The following UGGT2 variants were observed in gnomAD, a reference collection of about 807,000 sequenced individuals.
The protein encoded by UGGT2 is UDP-glucose:glycoprotein glucosyltransferase 2.
Under a neutral mutation model 192.1 loss-of-function variants are expected in UGGT2, and 180 were observed. That is an observed-to-expected ratio of 0.94 (90% CI 0.83 to 1.06). The LOEUF is 1.06. Ranked by LOEUF, UGGT2 falls within the 50% of genes least tolerant of loss-of-function variation. The probability of loss-of-function intolerance (pLI) is 0.00; values close to 1 mark genes in which losing one functional copy is unlikely to be tolerated. For missense variants in UGGT2, 1,849 were observed against 1,795.7 expected, an observed-to-expected ratio of 1.03 and a Z score of -0.54; for synonymous variants, 580 against 591.0, an observed-to-expected ratio of 0.98 and a Z score of 0.27.
intron 12 of UGGT2, among the ~76,000 whole-genome samples, chr13:95,959,959 C>T (rs1469969550): frequency 6.6e-6 from 1 of 152,184 alleles, no homozygotes; most frequent in Non-Finnish European, 1.5e-5. Context: ...CCACTAGCAA[C>T]TGTGCTACAA....
intron 12 of UGGT2, among the ~76,000 whole-genome samples, chr13:95,960,106 G>A (rs1285793065): frequency 6.6e-6 from 1 of 152,146 alleles, no homozygotes; most frequent in Non-Finnish European, 1.5e-5. Context: ...TCAGGAAAAA[G>A]TCTTCCCCTA....
chr13:96,043,028 A>C (rs2053210246), intron 1 of UGGT2, among the ~76,000 whole-genome samples: 1 of 152,214 alleles, frequency 6.6e-6, no homozygotes, highest in South Asian at 2.1e-4. Flanking sequence ...TGGGAAATTC[A>C]ACACAAAAAG....
intron 1 of UGGT2, among the ~76,000 whole-genome samples, chr13:96,052,304 C>T (rs1359596059): frequency 3.3e-5 from 5 of 151,904 alleles, no homozygotes; most frequent in African/African-American, 7.3e-5. Flanking sequence ...CAATGGACTT[C>T]GGGGACTCGG....
intron 2 of UGGT2, among the ~76,000 whole-genome samples, chr13:96,030,221 T>C (rs1464424214): frequency 6.6e-6 from 1 of 152,210 alleles, no homozygotes. Context: ...TCTTGCTCTC[T>C]CTGGAACACT....
intron 1 of UGGT2, among the ~76,000 whole-genome samples, chr13:96,051,901 A>G (rs1240654141): frequency 6.6e-6 from 1 of 152,222 alleles, no homozygotes; most frequent in Non-Finnish European, 1.5e-5. Context: ...TAGTATAACC[A>G]CTATGGAAAA....
At chr13:95,828,477 A>T (rs1426778782) in intron 38 of UGGT2, among the ~76,000 whole-genome samples, 1 of 152,188 alleles carries the variant, frequency 6.6e-6, no homozygotes, top group Non-Finnish European at 1.5e-5. Context: ...AAAAAATGAT[A>T]AAGGGGATAT....
rs192684788 is a variant in UGGT2 at position 95,948,549 on chromosome 13, T to C, written c.1456-468A>G. On this transcript the variant is annotated intron_variant, in intron 13 of 38. Transcript: ENST00000376747. ...TCCTATGTGAAAAAACAGCCGTAGG[T>C]ATTTTCTCCAACTTTCAAAGTTCCA... Among the ~76,000 whole-genome samples, 22 of 152,330 alleles carry C rather than the reference T, an allele frequency of 1.4e-4. No individual in the cohort carries two copies. In the East Asian group the frequency reaches 4.0e-3, roughly 28 times the overall value.
chr13:96,045,436 T>C (rs1424272274), intron 1 of UGGT2, among the ~76,000 whole-genome samples: 1 of 152,186 alleles, frequency 6.6e-6, no homozygotes, highest in East Asian at 1.9e-4. Flanking sequence ...AAGGCAACCA[T>C]GCCCACTCTC....
intron 6 of UGGT2, among the ~76,000 whole-genome samples, chr13:95,998,081 A>C (rs2051682180): frequency 6.6e-6 from 1 of 152,192 alleles, no homozygotes; most frequent in South Asian, 2.1e-4. Flanking sequence ...TGAAGACCTA[A>C]GATCAGAGAG....
intron 15 of UGGT2, among the ~76,000 whole-genome samples, chr13:95,940,765 G>A (rs1368216742): frequency 1.3e-5 from 2 of 152,012 alleles, no homozygotes; most frequent in African/African-American, 2.4e-5. Flanking sequence ...AAATTTTTTT[G>A]TATTTTTTGT....
intron 5 of UGGT2, among the ~76,000 whole-genome samples, chr13:96,006,089 C>A (rs1475972193): frequency 2.6e-5 from 4 of 152,116 alleles, no homozygotes; most frequent in Non-Finnish European, 5.9e-5. Flanking sequence ...AATCAATCAA[C>A]AATTTCAAAA....
At chr13:95,837,492 A>G (rs898686240) in intron 36 of UGGT2, among the ~76,000 whole-genome samples, 3 of 152,216 alleles carry the variant, frequency 2.0e-5, no homozygotes, top group African/African-American at 7.2e-5. Flanking sequence ...CACAATGGAC[A>G]GCCTCACTAC....
At chr13:96,041,508 G>A (rs1226312405) in intron 1 of UGGT2, among the ~76,000 whole-genome samples, 1 of 152,200 alleles carries the variant, frequency 6.6e-6, no homozygotes, top group Admixed American at 6.5e-5. Flanking sequence ...GAACTTGGGA[G>A]AGGGCATGAA....
Position 95,801,802 on chromosome 13 carries a change from A to G in UGGT2, c.4539T>C (p.His1513=), listed in dbSNP as rs201275444. 5.4e-5 allele frequency: 87 copies of G among 1,613,898 alleles called. No individual in the cohort carries two copies. Among genetic ancestry groups the G allele is most frequent in the Admixed American group, 3.2e-4 (19 of 60,004 alleles). The stretch of plus-strand genomic sequence containing the variant: ...ATATACACCAGTGCTAGAGTTCATC[A>G]TGTGTCAAAACTATAAGGGAGAAAA... ...ENKKQDTILT[H]DEL The change falls in exon 39 of 39, where the codon CAT becomes CAC. Residue 1513 remains histidine, a synonymous_variant. Coordinates refer to ENST00000376747, the MANE Select transcript of UGGT2 (RefSeq NM_020121.4).
intron 20 of UGGT2, among the ~76,000 whole-genome samples, chr13:95,925,216 C>A (rs1425835658): frequency 1.3e-5 from 2 of 151,966 alleles, no homozygotes; most frequent in Non-Finnish European, 2.9e-5. Flanking sequence ...TAATCAATAA[C>A]AAGAAATTTA....
intron 16 of UGGT2, among the ~76,000 whole-genome samples, chr13:95,937,793 C>T (rs1245672659): frequency 1.3e-5 from 2 of 152,160 alleles, no homozygotes; most frequent in Admixed American, 1.3e-4. Flanking sequence ...TAGAGAAAGA[C>T]AGTCCAAGTG....
intron 38 of UGGT2, among the ~76,000 whole-genome samples, chr13:95,820,190 T>G (rs373516077): frequency 6.6e-6 from 1 of 152,078 alleles, no homozygotes. Context: ...ACAAAGACTT[T>G]TTTTTAAAGG....
intron 7 of UGGT2, chr13:95,991,580 A>T (rs2051459714): frequency 4.5e-6 from 1 of 224,090 alleles, no homozygotes; most frequent in Non-Finnish European, 9.4e-6. Context: ...GTTTACTACA[A>T]TGTGGGATCA....
At chr13:95,830,886 C>G (rs1437057453) in intron 38 of UGGT2, among the ~76,000 whole-genome samples, 1 of 152,048 alleles carries the variant, frequency 6.6e-6, no homozygotes, top group Non-Finnish European at 1.5e-5. Flanking sequence ...CCCAAATGTC[C>G]AAAAATGATA....
Sources: allele counts gnomAD v4.1 joint callset (sites outside exome capture counted in the v4.1 genomes callset), GRCh38; gene constraint gnomAD v4.1.1; transcripts MANE v1.5; gene names NCBI Gene and HGNC (gene_info 2026-07-23, HGNC 2026-07-21).